Variants in RNF150 observed in about 807,000 individuals in gnomAD.
RNF150 encodes the protein ring finger protein 150.
A neutral mutation model predicts 39.3 loss-of-function variants in RNF150; 24 were observed. The observed-to-expected ratio is 0.61, with a 90% CI of 0.44 to 0.86. The LOEUF (loss-of-function observed/expected upper bound fraction) is 0.86, where lower values mean the gene tolerates loss of function less well. Ranked by LOEUF, RNF150 falls within the 40% of genes least tolerant of loss-of-function variation. The pLI is 0.00. For missense variants in RNF150, 502 were observed against 587.8 expected (o/e 0.85, Z 1.51); for synonymous variants, 255 against 227.3 (o/e 1.12, Z -1.10).
chr4:140,912,451 G>A (rs1730642997), intron 5 of RNF150, among the ~76,000 whole-genome samples: 1 of 152,180 alleles, frequency 6.6e-6, no homozygotes, highest in South Asian at 2.1e-4. Context: ...TGATGGTCAG[G>A]ATTAGGGGAG....
chr4:141,117,623 T>G (rs774162119), intron 1 of RNF150, among the ~76,000 whole-genome samples: 3 of 152,246 alleles, frequency 2.0e-5, no homozygotes, highest in Non-Finnish European at 2.9e-5. Context: ...TGATGATACA[T>G]TTCTCAGAAT....
chr4:141,067,266 A>G (rs2110936362), intron 1 of RNF150, among the ~76,000 whole-genome samples: 1 of 152,336 alleles, frequency 6.6e-6, no homozygotes, highest in East Asian at 1.9e-4. Flanking sequence ...AAAAACTACC[A>G]TTTTGCAAGA....
chr4:141,104,008 G>A (rs958712953), intron 1 of RNF150, among the ~76,000 whole-genome samples: 1 of 152,150 alleles, frequency 6.6e-6, no homozygotes. Context: ...ATTTATTAAG[G>A]TTTTGCAATA....
chr4:141,040,348 A>C (rs1425884793), intron 1 of RNF150, among the ~76,000 whole-genome samples: 1 of 152,206 alleles, frequency 6.6e-6, no homozygotes, highest in African/African-American at 2.4e-5. Flanking sequence ...TCAAGTACTA[A>C]TATTTTAATG....
chr4:141,167,520 TCATA>T (rs1241527948), intron 1 of RNF150, among the ~76,000 whole-genome samples: 1 of 152,158 alleles, frequency 6.6e-6, no homozygotes, highest in East Asian at 1.9e-4. Flanking sequence ...GTGAGAAGCA[TCATA>T]CTACCTGACT....
At chr4:141,192,681 C>T (rs555642410) in intron 1 of RNF150, among the ~76,000 whole-genome samples, 7 of 152,258 alleles carry the variant, frequency 4.6e-5, no homozygotes, top group Admixed American at 2.0e-4. Context: ...CTTCATATCC[C>T]GCACAACGCA....
intron 4 of RNF150, among the ~76,000 whole-genome samples, chr4:140,935,905 T>C (rs1013684163): frequency 2.6e-5 from 4 of 152,202 alleles, no homozygotes; most frequent in Non-Finnish European, 5.9e-5. Context: ...TACACCATCC[T>C]ATCACCCCAG....
chr4:141,190,735 C>T (rs1728097783), intron 1 of RNF150, among the ~76,000 whole-genome samples: 1 of 152,188 alleles, frequency 6.6e-6, no homozygotes, highest in African/African-American at 2.4e-5. Context: ...AGTATTCATA[C>T]ATTTAACAAA....
chr4:141,111,949 T>G (rs1739397433), intron 1 of RNF150, among the ~76,000 whole-genome samples: 1 of 152,186 alleles, frequency 6.6e-6, no homozygotes, highest in African/African-American at 2.4e-5. Flanking sequence ...ATGATGACAG[T>G]AGGAGAAATG....
chr4:141,161,604 T>C (rs1342351448), intron 1 of RNF150, among the ~76,000 whole-genome samples: 1 of 152,238 alleles, frequency 6.6e-6, no homozygotes, highest in Admixed American at 6.5e-5. Context: ...TACAAACTTT[T>C]GTCGCAACCC....
At chr4:141,203,893 C>A (rs571694253) in intron 1 of RNF150, among the ~76,000 whole-genome samples, 22 of 151,934 alleles carry the variant, frequency 1.4e-4, no homozygotes, top group Admixed American at 5.2e-4. Flanking sequence ...CTTCTCTAGA[C>A]CTTCCCAGAG....
intron 1 of RNF150, among the ~76,000 whole-genome samples, chr4:141,126,572 G>A (rs1726761303): frequency 6.6e-6 from 1 of 152,068 alleles, no homozygotes; most frequent in African/African-American, 2.4e-5. Flanking sequence ...AAATGAACAC[G>A]GCAGGCCAAG....
intron 2 of RNF150, among the ~76,000 whole-genome samples, chr4:140,952,621 A>C (rs1732584340): frequency 6.6e-6 from 1 of 152,214 alleles, no homozygotes; most frequent in African/African-American, 2.4e-5. Context: ...AGGAAATGTA[A>C]AGCAAACTGA....
At chr4:140,908,997 T>C (rs1053713777) in intron 6 of RNF150, among the ~76,000 whole-genome samples, 1 of 152,190 alleles carries the variant, frequency 6.6e-6, no homozygotes, top group African/African-American at 2.4e-5. Context: ...CTTAAATGTT[T>C]TTCAACTGCT....
intron 1 of RNF150, among the ~76,000 whole-genome samples, chr4:141,074,885 C>A (rs997789395): frequency 6.6e-6 from 1 of 152,228 alleles, no homozygotes; most frequent in Non-Finnish European, 1.5e-5. Context: ...TGACCTTGCA[C>A]ACCAAACCAC....
At chr4:141,179,201 G>A (rs1375665044) in intron 1 of RNF150, among the ~76,000 whole-genome samples, 2 of 152,100 alleles carry the variant, frequency 1.3e-5, no homozygotes, top group Non-Finnish European at 2.9e-5. Context: ...TCGTTGATTG[G>A]TAGACAGTCA....
chr4:140,913,976 G>A (rs1578958430), intron 5 of RNF150, among the ~76,000 whole-genome samples: 2 of 152,210 alleles, frequency 1.3e-5, no homozygotes, highest in East Asian at 3.8e-4. Context: ...AGGAAGAAAA[G>A]ATTTCGCAAA....
intron 1 of RNF150, among the ~76,000 whole-genome samples, chr4:141,181,634 T>C (rs1333756189): frequency 6.6e-6 from 1 of 152,240 alleles, no homozygotes; most frequent in Non-Finnish European, 1.5e-5. Context: ...AAATGCTCTC[T>C]CTAATTTTTT....
intron 4 of RNF150, among the ~76,000 whole-genome samples, chr4:140,928,413 A>G (rs1419591141): frequency 6.6e-6 from 1 of 151,346 alleles, no homozygotes; most frequent in Non-Finnish European, 1.5e-5. Context: ...GGCTCATGCA[A>G]GAGCGCAGGG....
Sources: allele counts gnomAD v4.1 joint callset (sites outside exome capture counted in the v4.1 genomes callset), GRCh38; gene constraint gnomAD v4.1.1; transcripts MANE v1.5; gene names NCBI Gene and HGNC (gene_info 2026-07-23, HGNC 2026-07-21).